The following FAM171B variants were observed in gnomAD, a reference collection of about 807,000 sequenced individuals.
The protein encoded by FAM171B is protein FAM171B.
FAM171B carries 19 observed loss-of-function variants against 75.6 expected under a neutral mutation model. The observed-to-expected ratio is 0.25, with a 90% confidence interval of 0.18 to 0.37. FAM171B has a LOEUF of 0.37. FAM171B is among the 10% of genes least tolerant of loss of function. FAM171B has a pLI of 1.00. For synonymous variants in FAM171B, 367 were observed against 361.7 expected (o/e 1.01, Z -0.17); for missense variants, 848 against 982.4 (o/e 0.86, Z 1.83).
At chr2:186,725,361 ATT>A (rs1278148846) in intron 1 of FAM171B, among the ~76,000 whole-genome samples, 5 of 151,642 alleles carry the variant, frequency 3.3e-5, no homozygotes, top group Non-Finnish European at 7.4e-5. Flanking sequence ...AAAAAAAAGA[ATT>A]TTACTTTCTC....
intron 1 of FAM171B, among the ~76,000 whole-genome samples, chr2:186,709,315 C>T (rs1039865942): frequency 2.0e-5 from 3 of 152,130 alleles, no homozygotes; most frequent in African/African-American, 7.2e-5. Context: ...TAGAATTTTA[C>T]ATTTTATTTC....
At chr2:186,702,550 T>C (rs1689677535) in intron 1 of FAM171B, among the ~76,000 whole-genome samples, 1 of 152,240 alleles carries the variant, frequency 6.6e-6, no homozygotes, top group South Asian at 2.1e-4. Context: ...TTTTTTCTTT[T>C]ATGATTGTTC....
intron 5 of FAM171B, among the ~76,000 whole-genome samples, chr2:186,753,060 A>G (rs994517550): frequency 6.6e-6 from 1 of 152,240 alleles, no homozygotes; most frequent in Non-Finnish European, 1.5e-5. Flanking sequence ...TAATCAGAAT[A>G]TCAGATAAGA....
Position 186,706,579 on chromosome 2 carries a change from T to C in FAM171B, c.238+12168T>C, listed in dbSNP as rs1294618026. Among the ~76,000 whole-genome samples, 3 of 152,170 alleles carry C rather than the reference T, an allele frequency of 2.0e-5. No homozygotes were observed. The East Asian group carries it at 5.8e-4, about 29-fold the overall frequency. On this transcript the variant is annotated intron_variant, in intron 1 of 7. Coordinates refer to ENST00000304698, the MANE Select transcript of FAM171B (RefSeq NM_177454.4). ...ATTCTGGTGTTCCAAAGATAAATAA[T>C]AGCATGTGTTGAGTTTGGAAAGCTG...
intron 1 of FAM171B, among the ~76,000 whole-genome samples, chr2:186,731,032 A>G (rs778518062): frequency 6.6e-6 from 1 of 152,232 alleles, no homozygotes; most frequent in Non-Finnish European, 1.5e-5. Flanking sequence ...GAATTGGAAT[A>G]GAGATCCTAA....
At chr2:186,697,138 A>T (rs1440823403) in intron 1 of FAM171B, among the ~76,000 whole-genome samples, 1 of 152,214 alleles carries the variant, frequency 6.6e-6, no homozygotes, top group African/African-American at 2.4e-5. Flanking sequence ...GATAAACGTT[A>T]TGTAGGAAAG....
intron 2 of FAM171B, among the ~76,000 whole-genome samples, chr2:186,742,714 T>C (rs1411306881): frequency 2.0e-5 from 3 of 152,168 alleles, no homozygotes; most frequent in African/African-American, 7.2e-5. Context: ...TCCTCAAAAC[T>C]GATTTTTCTT....
rs764648056 is a variant in FAM171B, at chr2:186,751,148, G to A, written c.739G>A (p.Glu247Lys). Reference sequence around the variant, plus strand: ...TTCTTTTATAGGTTTTGAAAACATTGAATTGACTCCTCTTGCTGCAATATG... The same window carrying A: ...TTCTTTTATAGGTTTTGAAAACATTAAATTGACTCCTCTTGCTGCAATATG... ...TLNKPGFENI[E>K]LTPLAAICVK... The change falls in exon 5 of 8, where the codon GAA (glutamate) becomes AAA (lysine). Residue 247 changes from glutamate (E) to lysine (K), a missense_variant. Around this residue, in one of 3 missense-constraint regions of FAM171B, gnomAD observed 665 missense variants for 729.0 expected, o/e 0.91. Transcript: ENST00000304698. The A allele has an allele frequency of 1.2e-6, 2 of 1,601,368 alleles. No individual in the cohort carries two copies. The highest frequency in any genetic ancestry group is 1.1e-5 in the South Asian group (1 of 89,294).
At chr2:186,736,685 G>C (rs1290336752) in intron 1 of FAM171B, among the ~76,000 whole-genome samples, 1 of 111,112 alleles carries the variant, frequency 9.0e-6, no homozygotes, top group Non-Finnish European at 1.8e-5. Flanking sequence ...TTGGTGGATT[G>C]AACCTTCCCT....
At chr2:186,753,535 GA>G (rs1298631790) in intron 5 of FAM171B, among the ~76,000 whole-genome samples, 2 of 152,136 alleles carry the variant, frequency 1.3e-5, no homozygotes, top group Non-Finnish European at 2.9e-5. Context: ...ATTCTAAGGT[GA>G]GTTTATTTCA....
intron 1 of FAM171B, among the ~76,000 whole-genome samples, chr2:186,725,343 CA>C (rs35999085): frequency 1.2e-3 from 153 of 126,864 alleles, no homozygotes; most frequent in East Asian, 4.4e-3. Flanking sequence ...GACTCTGTCT[CA>C]AAAAAAAAAA....
intron 1 of FAM171B, among the ~76,000 whole-genome samples, chr2:186,722,900 G>C (rs933066310): frequency 6.6e-6 from 1 of 152,176 alleles, no homozygotes; most frequent in Non-Finnish European, 1.5e-5. Flanking sequence ...ATTTGGTGTT[G>C]AGGATATTGC....
In FAM171B at chr2:186,764,031, G is replaced by A. The variant is rs913052742; in HGVS notation, c.*1208G>A. The A allele has an allele frequency of 6.6e-6, 1 of 151,982 alleles. No individual in the cohort carries two copies. Among genetic ancestry groups the A allele is most frequent in the Non-Finnish European group, 1.5e-5 (1 of 67,962 alleles). 9.4% of individuals were successfully genotyped at this position (151,982 alleles called of 1,614,324 possible). A position where few individuals can be genotyped will look rare whatever the true frequency, so the allele number is the denominator to read the frequency against. ...ATCTATGTTCTTTTCATTATAGCAAGCATTCAATGTGAACAACTTTTTAAT... is the reference window on the plus strand; with the variant it reads ...ATCTATGTTCTTTTCATTATAGCAAACATTCAATGTGAACAACTTTTTAAT... On this transcript the variant is annotated 3_prime_UTR_variant, in exon 8 of 8. Coordinates refer to ENST00000304698, the MANE Select transcript of FAM171B (RefSeq NM_177454.4).
chr2:186,745,957 C>T (rs977508802), intron 3 of FAM171B, among the ~76,000 whole-genome samples: 32 of 152,314 alleles, frequency 2.1e-4, no homozygotes, highest in African/African-American at 7.5e-4. Flanking sequence ...TTCACACACA[C>T]AAAAACTATA....
chr2:186,701,091 AT>A (rs1324544796), intron 1 of FAM171B, among the ~76,000 whole-genome samples: 7 of 149,880 alleles, frequency 4.7e-5, no homozygotes, highest in Non-Finnish European at 1.5e-5. Flanking sequence ...TAAGTTTTGT[AT>A]TTTTTTTTAG....
chr2:186,737,438 C>A (rs1250780184), intron 1 of FAM171B, among the ~76,000 whole-genome samples: 1 of 152,142 alleles, frequency 6.6e-6, no homozygotes, highest in Non-Finnish European at 1.5e-5. Flanking sequence ...CTCACTGCAG[C>A]CTTGACCTCC....
chr2:186,762,737 AG>A lies in FAM171B; in HGVS notation c.2399del (p.Gly800AlafsTer5). The stretch of plus-strand genomic sequence containing the variant: ...AGCTAATACATCCCCCACTAAAAGA[AG>A]GGGCAGACCACCACTAGCCAAAAGA... ...FEANTSPTKR[R>X]GRPPLAKRDS... is the part of the protein sequence containing the mutation. On this transcript the variant is annotated frameshift_variant, in exon 8 of 8. Transcript: ENST00000304698. LOFTEE classifies it high-confidence loss of function. This position sits in a 1 kb window ranked among gnomAD's most constrained non-coding sequence, Gnocchi z 4.0. 1 of 1,613,320 alleles carries A rather than the reference AG, an allele frequency of 6.2e-7. No individual in the cohort carries two copies. The highest frequency in any genetic ancestry group is 2.2e-5 in the East Asian group (1 of 44,842).
intron 1 of FAM171B, among the ~76,000 whole-genome samples, chr2:186,731,922 C>T (rs1184828104): frequency 6.6e-6 from 1 of 152,200 alleles, no homozygotes; most frequent in Non-Finnish European, 1.5e-5. Flanking sequence ...CTGTCACTCT[C>T]TCCCATCACC....
rs183412056 is a variant in FAM171B, at chr2:186,765,323, A to G, written c.*2500A>G. ...TCGATCCTTTGTATATACTTTGGAT[A>G]TATATTAAAGGCAAAACTATCTCTT... On this transcript the variant is annotated 3_prime_UTR_variant, in exon 8 of 8. Coordinates refer to ENST00000304698, the MANE Select transcript of FAM171B (RefSeq NM_177454.4). 6 of 152,184 alleles carry G rather than the reference A, an allele frequency of 3.9e-5. No homozygotes were observed. Among genetic ancestry groups the G allele is most frequent in the Non-Finnish European group, 8.8e-5 (6 of 67,950 alleles). 9.4% of individuals were successfully genotyped at this position (152,184 alleles called of 1,614,324 possible).
Sources: gnomAD v4.1 joint callset for allele counts (sites outside exome capture counted in the v4.1 genomes callset) on GRCh38, gnomAD v4.1.1 for gene constraint, gnomAD v4.1.1 regional missense constraint, Gnocchi (gnomAD v3.1) non-coding constraint, MANE v1.5 for transcripts, NCBI Gene and HGNC (gene_info 2026-07-23, HGNC 2026-07-21) for gene names.